Variants in SGSM1 observed in about 807,000 individuals in gnomAD.
SGSM1 encodes RUN and TBC1 domain containing 2.
In SGSM1, 73 loss-of-function variants were observed where a neutral mutation model predicts 133.8. That is an observed-to-expected ratio of 0.55 (90% CI 0.45 to 0.66). SGSM1 has a LOEUF of 0.66. Ranked by LOEUF, SGSM1 falls within the 30% of genes least tolerant of loss-of-function variation. The pLI is 0.00. For synonymous variants in SGSM1, 563 were observed against 573.0 expected, an observed-to-expected ratio of 0.98 and a Z score of 0.25; for missense variants, 1,213 against 1,448.1, an observed-to-expected ratio of 0.84 and a Z score of 2.64.
Position 24,868,803 on chromosome 22 carries a change from G to C in SGSM1, c.1239G>C (p.Glu413Asp). 1.9e-6 allele frequency: 3 copies of C among 1,614,002 alleles called. No individual in the cohort carries two copies. Among genetic ancestry groups the C allele is most frequent in the South Asian group, 1.1e-5 (1 of 91,082 alleles). The change falls in exon 12 of 25, where the codon GAG (glutamate) becomes GAC (aspartate). Residue 413 changes from glutamate to aspartate, a missense_variant. Glu to Asp is a conservative substitution (Grantham distance 45, BLOSUM62 2). Coordinates refer to ENST00000400358, the MANE Select transcript of SGSM1 (RefSeq NM_001098497.3). ...ESTSSDKDDD[E>D]ATDYVFRIIY... ...CATCTTCAGACAAAGATGATGATGAGGCCACGGATTATGTGTTCAGGATCA... is the reference window on the plus strand; with the variant it reads ...CATCTTCAGACAAAGATGATGATGACGCCACGGATTATGTGTTCAGGATCA...
chr22:24,841,130 G>A (rs574993416), intron 2 of SGSM1, among the ~76,000 whole-genome samples: 55 of 152,320 alleles, frequency 3.6e-4, no homozygotes, highest in South Asian at 1.5e-3. Context: ...GATTACAGGC[G>A]TGAGCCACCG....
At chr22:24,823,758 A>G (rs1241305874) in intron 2 of SGSM1, among the ~76,000 whole-genome samples, 1 of 151,844 alleles carries the variant, frequency 6.6e-6, no homozygotes, top group Non-Finnish European at 1.5e-5. Flanking sequence ...CATTAAAAAA[A>G]AATTAACCAG....
chr22:24,861,304 AT>A (rs1462541691), intron 9 of SGSM1, among the ~76,000 whole-genome samples: 1 of 146,576 alleles, frequency 6.8e-6, no homozygotes, highest in Non-Finnish European at 1.5e-5. Flanking sequence ...GTGAGCCGAG[AT>A]CGCGCCACTG....
intron 2 of SGSM1, 145 bp downstream of exon 2, chr22:24,806,629 CCG>C: frequency 2.0e-6 from 2 of 999,732 alleles, no homozygotes; most frequent in Non-Finnish European, 2.7e-6. Context: ...CATTGACCTC[CCG>C]CAGGGCAGGA....
intron 2 of SGSM1, among the ~76,000 whole-genome samples, chr22:24,811,769 T>C (rs945075754): frequency 6.6e-6 from 1 of 150,848 alleles, no homozygotes; most frequent in East Asian, 1.9e-4. Flanking sequence ...TTTGAGAGGC[T>C]GAGGCAGGAG....
At position 24,846,001 on chromosome 22, in the gene SGSM1, C is replaced by CTT. The variant is rs1213946084; in HGVS notation, c.139+1031_139+1032dup. Among the ~76,000 whole-genome samples, 204 of 130,222 alleles carry CTT rather than the reference C, an allele frequency of 1.6e-3. 1 individual carries two copies. The highest frequency in any genetic ancestry group is 5.5e-3 in the African/African-American group (191 of 34,774). 85.4% of individuals were successfully genotyped at this position (130,222 alleles called of 152,430 possible). On this transcript the variant is annotated intron_variant, in intron 3 of 24. Coordinates refer to ENST00000400358, the MANE Select transcript of SGSM1 (RefSeq NM_001098497.3). ...TCTTTCTTTCTTTCTTTCTTTCTTT[C>CTT]TTTCTTTCTTCATTTCTTTCTCTCT...
At chr22:24,834,710 C>A (rs1929322919) in intron 2 of SGSM1, among the ~76,000 whole-genome samples, 1 of 152,024 alleles carries the variant, frequency 6.6e-6, no homozygotes, top group South Asian at 2.1e-4. Flanking sequence ...TGGCCATCTT[C>A]TCCCTGATCT....
At chr22:24,914,732 A>C (rs956553561) in intron 22 of SGSM1, among the ~76,000 whole-genome samples, 1 of 152,130 alleles carries the variant, frequency 6.6e-6, no homozygotes, top group African/African-American at 2.4e-5. Context: ...CTTTATACTC[A>C]GTAAGGAGTT....
At chr22:24,850,535 A>C (rs1264725275) in intron 5 of SGSM1, 103 bp downstream of exon 5, 53 of 1,461,720 alleles carry the variant, frequency 3.6e-5, no homozygotes, top group Non-Finnish European at 7.3e-6. Context: ...TTTCCCCTTG[A>C]CAGCCACTAA....
In SGSM1 at chr22:24,912,755, A is replaced by G; in HGVS notation, c.2928+3A>G. 6.2e-7 allele frequency: 1 copy of G among 1,604,210 alleles called. No individual in the cohort carries two copies. The highest frequency in any genetic ancestry group is 1.7e-4 in the Middle Eastern group (1 of 6,050). On this transcript the variant is annotated splice_donor_region_variant and intron_variant, in intron 22 of 24. Transcript: ENST00000400358. Reference sequence around the variant, plus strand: ...CAAACATGAGATCGTTGATCCAGGTATGACCCAGCATCCATTCTTGCTTTG... The same window carrying G: ...CAAACATGAGATCGTTGATCCAGGTGTGACCCAGCATCCATTCTTGCTTTG...
chr22:24,813,282 A>G lies in SGSM1; in HGVS notation c.63+6798A>G, dbSNP rs1601881720. Among the ~76,000 whole-genome samples, 5 of 152,196 alleles carry G rather than the reference A, an allele frequency of 3.3e-5. No individual in the cohort carries two copies. In the East Asian group the frequency reaches 9.6e-4, roughly 29 times the overall value. Reference sequence around the variant, plus strand: ...AAGACCTTGTCCATCGAAGGCATCGAAGGCTTTGGCTTTGACTCTGGTGAG... The same window carrying G: ...AAGACCTTGTCCATCGAAGGCATCGGAGGCTTTGGCTTTGACTCTGGTGAG... On this transcript the variant is annotated intron_variant, in intron 2 of 24. Transcript: ENST00000400358.
chr22:24,833,807 T>C (rs1411946704), intron 2 of SGSM1, among the ~76,000 whole-genome samples: 2 of 152,166 alleles, frequency 1.3e-5, no homozygotes, highest in Non-Finnish European at 2.9e-5. Context: ...GAAGGCATGC[T>C]AGACAGTGGG....
chr22:24,825,871 C>A (rs547948968), intron 2 of SGSM1, among the ~76,000 whole-genome samples: 8 of 152,276 alleles, frequency 5.3e-5, no homozygotes, highest in Non-Finnish European at 1.2e-4. Context: ...CCTCACCCCA[C>A]CTGCATGGTA....
At chr22:24,843,981 G>T (rs768210410) in intron 2 of SGSM1, 19 of 151,434 alleles carry the variant, frequency 1.3e-4, no homozygotes, top group Admixed American at 6.6e-4. Context: ...GCAGGGATTT[G>T]AACTCAGGTC....
intron 2 of SGSM1, among the ~76,000 whole-genome samples, chr22:24,834,459 A>G (rs1009101588): frequency 3.9e-5 from 6 of 152,238 alleles, no homozygotes; most frequent in African/African-American, 1.4e-4. Flanking sequence ...TTCATGCTAC[A>G]AGGGCAGAGT....
intron 1 of SGSM1, 46 bp downstream of exon 1, chr22:24,806,390 C>CT: frequency 6.6e-7 from 1 of 1,510,686 alleles, no homozygotes; most frequent in Non-Finnish European, 8.9e-7. Context: ...CAGCGCCCGG[C>CT]CCCCGCACCC....
rs1422307766 is a variant in SGSM1, at chr22:24,845,947, T to TTCTTTCTTTCTC, written c.139+986_139+987insCTCTTTCTTTCT. On this transcript the variant is annotated intron_variant, in intron 3 of 24. Transcript: ENST00000400358. Reference sequence around the variant, plus strand: ...AGATCTTTCTTTTCTTTTCTTTTCTTTCTTTCTTTCTTTCTTTCTTTCTTT... The same window carrying TTCTTTCTTTCTC: ...AGATCTTTCTTTTCTTTTCTTTTCTTTCTTTCTTTCTCTCTTTCTTTCTTTCTTTCTTTCTTT... 9.3e-3 allele frequency among the ~76,000 whole-genome samples: 524 copies of TTCTTTCTTTCTC among 56,568 alleles called. 11 individuals carry two copies. Among genetic ancestry groups the TTCTTTCTTTCTC allele is most frequent in the African/African-American group, 0.029 (486 of 16,902 alleles). 37.1% of individuals were successfully genotyped at this position (56,568 alleles called of 152,430 possible).
At chr22:24,910,629 C>T (rs959805825) in intron 21 of SGSM1, among the ~76,000 whole-genome samples, 8 of 151,878 alleles carry the variant, frequency 5.3e-5, no homozygotes, top group African/African-American at 1.7e-4. Flanking sequence ...GCCTGGGGGA[C>T]AGCAAGACTC....
At position 24,901,913 on chromosome 22, in the gene SGSM1, C is replaced by T. The variant is rs1170018175; in HGVS notation, c.2691C>T (p.Tyr897=). ...AGAGGTGCGACCGCAACTACTGGTA[C>T]TTCACGCCCGCCAACTTGGAGAAGC... ...DVQRCDRNYW[Y]FTPANLEKLR... Residue 897 remains tyrosine, a synonymous_variant, in exon 20 of 25, where the codon TAC becomes TAT. Coordinates refer to ENST00000400358, the MANE Select transcript of SGSM1 (RefSeq NM_001098497.3). 1 of 1,575,238 alleles carries T rather than the reference C, an allele frequency of 6.3e-7. No individual in the cohort carries two copies. The highest frequency in any genetic ancestry group is 8.6e-7 in the Non-Finnish European group (1 of 1,158,410).
Sources: gnomAD v4.1 joint callset for allele counts (sites outside exome capture counted in the v4.1 genomes callset) on GRCh38, gnomAD v4.1.1 for gene constraint, MANE v1.5 for transcripts, NCBI Gene and HGNC (gene_info 2026-07-23, HGNC 2026-07-21) for gene names.